Variants in PTPRF observed in about 807,000 individuals in gnomAD.
The protein encoded by PTPRF is receptor-type tyrosine-protein phosphatase F.
A neutral mutation model predicts 201.8 loss-of-function variants in PTPRF; 59 were observed. The observed-to-expected ratio is 0.29, with a 90% confidence interval of 0.24 to 0.36. The LOEUF (loss-of-function observed/expected upper bound fraction) is 0.36. Among genes scored for constraint, PTPRF ranks in the 10% least tolerant of loss-of-function variants. The pLI is 1.00. For missense variants in PTPRF, 2,132 were observed against 2,690.5 expected (o/e 0.79, Z 4.59); for synonymous variants, 1,088 against 1,089.7 (o/e 1.00, Z 0.03).
At chr1:43,565,763 C>T (rs546218586) in intron 5 of PTPRF, among the ~76,000 whole-genome samples, 3 of 152,082 alleles carry the variant, frequency 2.0e-5, no homozygotes, top group Non-Finnish European at 4.4e-5. Flanking sequence ...AGCTGAGGAG[C>T]CGGGGCCTGG....
In PTPRF at chr1:43,619,230, G is replaced by A. The variant is rs1206541999; in HGVS notation, c.4646+28G>A. 3 of 1,605,636 alleles carry A rather than the reference G, an allele frequency of 1.9e-6. No individual in the cohort carries two copies. The South Asian group carries it at 3.3e-5, about 18-fold the overall frequency. On this transcript the variant is annotated intron_variant, in intron 27 of 33. Coordinates refer to ENST00000359947, the MANE Select transcript of PTPRF (RefSeq NM_002840.5). ...GAGAGGGTACAGTGCCACCCAGAGG[G>A]GTGGGTGGGGTGGGAGGTGGGGGCG...
In PTPRF at chr1:43,534,271, A is replaced by C. The variant is rs1643876280; in HGVS notation, c.-126+3181A>C. Among the ~76,000 whole-genome samples the C allele has an allele frequency of 5.3e-5, 8 of 152,190 alleles. No homozygotes were observed. The South Asian group carries it at 1.5e-3, about 28-fold the overall frequency. On this transcript the variant is annotated intron_variant, in intron 1 of 33. Transcript: ENST00000359947. ...TTTTACTCTGAGAACCCAGAGAGAA[A>C]ACACCAAAGGTTTAAAGCTTGGATA...
At chr1:43,592,719 C>T (rs1651160117) in intron 11 of PTPRF, 118 bp downstream of exon 11, 2 of 1,237,306 alleles carry the variant, frequency 1.6e-6, no homozygotes, top group Middle Eastern at 2.9e-4. Flanking sequence ...GCTGGCCAAA[C>T]CGAACTCTGG....
intron 1 of PTPRF, 85 bp downstream of exon 1, chr1:43,531,175 C>G (rs1387603970): frequency 6.7e-6 from 1 of 149,442 alleles, no homozygotes; most frequent in Non-Finnish European, 1.5e-5. Context: ...GTCCACCCGG[C>G]GGAGCTGGGG....
chr1:43,550,058 G>A (rs2153968955), intron 3 of PTPRF, among the ~76,000 whole-genome samples: 1 of 150,716 alleles, frequency 6.6e-6, no homozygotes, highest in South Asian at 2.1e-4. Context: ...GGTGGAGGTG[G>A]ATTGGAGGGA....
Position 43,553,971 on chromosome 1 carries a change from G to A in PTPRF, c.379+30G>A. The A allele has an allele frequency of 6.2e-7, 1 of 1,610,290 alleles. No homozygotes were observed. Reference sequence around the variant, plus strand: ...GTGCTAGGGAGACGTGGCACGGTGGGCTGCCGGGCTGAGGCGTGGGAAGAG... The same window carrying A: ...GTGCTAGGGAGACGTGGCACGGTGGACTGCCGGGCTGAGGCGTGGGAAGAG... On this transcript the variant is annotated intron_variant, in intron 5 of 33. Coordinates refer to ENST00000359947, the MANE Select transcript of PTPRF (RefSeq NM_002840.5). The surrounding 1 kb of genome is among the most constrained non-coding windows in gnomAD (Gnocchi z 4.1).
chr1:43,534,852 G>A (rs751524115), intron 1 of PTPRF, among the ~76,000 whole-genome samples: 4 of 152,188 alleles, frequency 2.6e-5, no homozygotes, highest in African/African-American at 4.8e-5. Flanking sequence ...TACTAGCAGC[G>A]TGACTTTAAG....
rs151105370 is a variant in PTPRF at position 43,603,855 on chromosome 1, T to C, written c.2703T>C (p.Gly901=). The C allele has an allele frequency of 4.2e-5, 67 of 1,613,488 alleles. No individual in the cohort carries two copies. In the African/African-American group the frequency reaches 7.2e-4, roughly 17 times the overall value. Residue 901 remains glycine, a synonymous_variant, in exon 16 of 34, where the codon GGT becomes GGC. Transcript: ENST00000359947. The surrounding 1 kb of genome is among the most constrained non-coding windows in gnomAD (Gnocchi z 5.8). The part of the protein sequence containing the change: ...RLAAKNRAGL[G]EEFEKEIRTP... ...CTGCCAAGAACCGGGCTGGCTTGGG[T>C]GAGGAGTTCGAGAAGGAGATCAGGA...
intron 6 of PTPRF, 63 bp downstream of exon 6, chr1:43,569,841 C>T: frequency 6.6e-7 from 1 of 1,511,256 alleles, no homozygotes; most frequent in Non-Finnish European, 8.9e-7. Flanking sequence ...TGTCAGATCC[C>T]AGCACAGCCT....
intron 1 of PTPRF, among the ~76,000 whole-genome samples, chr1:43,535,002 G>A (rs780125145): frequency 6.6e-6 from 1 of 152,234 alleles, no homozygotes; most frequent in Non-Finnish European, 1.5e-5. Flanking sequence ...CATCTAGTGA[G>A]TACTGTTGTC....
chr1:43,558,338 C>T (rs997249487), intron 5 of PTPRF, among the ~76,000 whole-genome samples: 3 of 152,268 alleles, frequency 2.0e-5, no homozygotes, highest in Admixed American at 6.5e-5. Context: ...TCATGTCACA[C>T]CAGGCCCAAC....
chr1:43,613,818 C>A, intron 23 of PTPRF, 103 bp downstream of exon 23: 1 of 1,024,148 alleles, frequency 9.8e-7, no homozygotes, highest in Admixed American at 1.9e-5. Context: ...AAGCAGGGGT[C>A]CAGCTTTTTC....
In PTPRF at chr1:43,530,942, G is replaced by GGGCTCCGGCTCCGGCTCC. The variant is rs780812023; in HGVS notation, c.-261_-244dup. On this transcript the variant is annotated 5_prime_UTR_variant, in exon 1 of 34. Transcript: ENST00000359947. This position sits in a 1 kb window ranked among gnomAD's most constrained non-coding sequence, Gnocchi z 4.1. ...CCAGCTTCGGCTCCGGCTCGGGCTC[G>GGGCTCCGGCTCCGGCTCC]GGCTCCGGCTCCGGCTCCGGCTCCG... 7 of 156,208 alleles carry GGGCTCCGGCTCCGGCTCC rather than the reference G, an allele frequency of 4.5e-5. No individual in the cohort carries two copies. Among genetic ancestry groups the GGGCTCCGGCTCCGGCTCC allele is most frequent in the African/African-American group, 1.5e-4 (6 of 41,134 alleles). The allele number at this position is 156,208 out of a possible 1,614,324, so 9.7% of individuals were successfully genotyped here.
rs773435037 is a variant in PTPRF, at chr1:43,591,904, A to T, written c.1624A>T (p.Met542Leu). The stretch of plus-strand genomic sequence containing the variant: ...GCTGCCCCCTCAGGAGCGGATCATC[A>T]TGTATGAACTGGTGTACTGGGCGGC... ...WLLPPQERII[M>L]YELVYWAAED... Residue 542 changes from methionine to leucine, a missense_variant, in exon 10 of 34, where the codon ATG becomes TTG. Around this residue, in one of 6 missense-constraint regions of PTPRF, gnomAD observed 351 missense variants for 401.7 expected, o/e 0.87. Coordinates refer to ENST00000359947, the MANE Select transcript of PTPRF (RefSeq NM_002840.5). 4 of 1,613,558 alleles carry T rather than the reference A, an allele frequency of 2.5e-6. No homozygotes were observed. Among genetic ancestry groups the T allele is most frequent in the Middle Eastern group, 3.3e-4 (2 of 6,062 alleles).
chr1:43,558,430 G>T (rs927358173), intron 5 of PTPRF, among the ~76,000 whole-genome samples: 1 of 152,018 alleles, frequency 6.6e-6, no homozygotes, highest in African/African-American at 2.4e-5. Context: ...TTTGCACCTC[G>T]CATCTGAGCA....
At chr1:43,587,774 T>C (rs1296840954) in intron 7 of PTPRF, among the ~76,000 whole-genome samples, 1 of 152,202 alleles carries the variant, frequency 6.6e-6, no homozygotes, top group African/African-American at 2.4e-5. Flanking sequence ...CCCATCTGCA[T>C]GCCAGACATG....
At chr1:43,558,596 G>T (rs922188687) in intron 5 of PTPRF, among the ~76,000 whole-genome samples, 1 of 152,212 alleles carries the variant, frequency 6.6e-6, no homozygotes, top group African/African-American at 2.4e-5. Context: ...GGTAATTGAA[G>T]CCATTAGCGC....
intron 33 of PTPRF, 139 bp from the exon 34 acceptor site, chr1:43,621,796 C>A: frequency 1.3e-6 from 1 of 775,406 alleles, no homozygotes; most frequent in Non-Finnish European, 2.1e-6. Flanking sequence ...CCCCCGCACA[C>A]TGCCTGATGT....
intron 6 of PTPRF, among the ~76,000 whole-genome samples, chr1:43,576,914 G>A (rs1473496049): frequency 6.6e-6 from 1 of 152,170 alleles, no homozygotes; most frequent in Non-Finnish European, 1.5e-5. Flanking sequence ...TCACCCGGAG[G>A]CTGGCTCTTG....
Sources: gnomAD v4.1 joint callset for allele counts (sites outside exome capture counted in the v4.1 genomes callset) on GRCh38, gnomAD v4.1.1 for gene constraint, gnomAD v4.1.1 regional missense constraint, Gnocchi (gnomAD v3.1) non-coding constraint, MANE v1.5 for transcripts, NCBI Gene and HGNC (gene_info 2026-07-23, HGNC 2026-07-21) for gene names.